ARHGEF9: variants seen among roughly 807,000 people sequenced by gnomAD.
The protein encoded by ARHGEF9 is rho guanine nucleotide exchange factor 9.
Under a neutral mutation model 41.3 loss-of-function variants are expected in ARHGEF9, and 2 were observed. The ratio of observed to expected loss-of-function variants is 0.05; its 90% CI spans 0.02 to 0.15. ARHGEF9 has a LOEUF of 0.15. Ranked by LOEUF, ARHGEF9 falls within the 10% of genes least tolerant of loss-of-function variation. ARHGEF9 has a pLI of 1.00. For missense variants in ARHGEF9, 225 were observed against 424.7 expected, an observed-to-expected ratio of 0.53 and a Z score of 4.13; for synonymous variants, 160 against 154.4, an observed-to-expected ratio of 1.04 and a Z score of -0.27.
chrX:63,735,045 G>A (rs2054529889), intron 1 of ARHGEF9, among the ~76,000 whole-genome samples: 1 of 111,066 alleles, frequency 9.0e-6, no homozygotes, highest in South Asian at 3.9e-4. Flanking sequence ...TGCCCTGGGA[G>A]CCATGCTCGT....
At chrX:63,780,572 A>G (rs1398819123) in intron 1 of ARHGEF9, among the ~76,000 whole-genome samples, 19 of 111,934 alleles carry the variant, frequency 1.7e-4, no homozygotes, top group African/African-American at 6.2e-4. Context: ...AGCAATTTTA[A>G]ACAATGTTAG....
intron 2 of ARHGEF9, among the ~76,000 whole-genome samples, chrX:63,710,249 G>T (rs1602508287): frequency 7.1e-5 from 3 of 42,051 alleles, no homozygotes; most frequent in Admixed American, 3.3e-4. Flanking sequence ...ACAAGAAAAA[G>T]ATTTAATAAA....
chrX:63,700,697 G>A (rs1556394517), intron 3 of ARHGEF9, among the ~76,000 whole-genome samples: 1 of 110,529 alleles, frequency 9.0e-6, no homozygotes, highest in Non-Finnish European at 1.9e-5. Context: ...GGTAGGGAGG[G>A]GCCTGAAAAG....
At chrX:63,662,237 T>C (rs2049268715) in intron 7 of ARHGEF9, among the ~76,000 whole-genome samples, 1 of 111,833 alleles carries the variant, frequency 8.9e-6, no homozygotes, top group East Asian at 2.8e-4. Context: ...TGAAATCATA[T>C]AGTTAGCGAG....
chrX:63,639,872 A>G (rs2047513272), intron 9 of ARHGEF9: 1 of 111,964 alleles, frequency 8.9e-6, no homozygotes, highest in Non-Finnish European at 1.9e-5. Flanking sequence ...CAGAAAGACA[A>G]ATATCAAATG....
At position 63,668,672 on chromosome X, in the gene ARHGEF9, A is replaced by G. The variant is rs187307975; in HGVS notation, c.946-2655T>C. 1.1e-4 allele frequency among the ~76,000 whole-genome samples: 12 copies of G among 111,999 alleles called. No homozygotes were observed. In the East Asian group the frequency reaches 2.8e-3, roughly 26 times the overall value. ...GTGCCTAGAAGGTACACATCACACT[A>G]TAAGCTCAACATAAGTGATACTTAT... On this transcript the variant is annotated intron_variant, in intron 6 of 9. Transcript: ENST00000671741.
At chrX:63,768,541 T>C (rs1348599419) in intron 1 of ARHGEF9, among the ~76,000 whole-genome samples, 2 of 112,442 alleles carry the variant, frequency 1.8e-5, no homozygotes, top group Non-Finnish European at 3.8e-5. Context: ...CTTTTGGTTC[T>C]TTGAGAAATC....
At chrX:63,711,516 T>C (rs1556406863) in intron 2 of ARHGEF9, among the ~76,000 whole-genome samples, 1 of 111,977 alleles carries the variant, frequency 8.9e-6, no homozygotes, top group Non-Finnish European at 1.9e-5. Context: ...TCATGCTGAA[T>C]TGATATTTGT....
chrX:63,635,260 C>T lies in ARHGEF9; in HGVS notation c.*2768G>A, dbSNP rs1371841678. 7.4e-6 allele frequency: 3 copies of T among 403,196 alleles called. No homozygotes were observed. The African/African-American group carries it at 8.0e-5, about 11-fold the overall frequency. The allele number at this position is 403,196 out of a possible 1,213,427, so 33.2% of individuals were successfully genotyped here. A position where few individuals can be genotyped will look rare whatever the true frequency, so the allele number is the denominator to read the frequency against. On this transcript the variant is annotated 3_prime_UTR_variant, in exon 10 of 10. Transcript: ENST00000671741. ...CTCTCTTGTTGCTGTTCTTATAGAT[C>T]CATTAGAAATATACACATAGAGAGG...
intron 1 of ARHGEF9, among the ~76,000 whole-genome samples, chrX:63,780,026 A>G (rs1556461153): frequency 8.9e-6 from 1 of 111,850 alleles, no homozygotes; most frequent in Admixed American, 9.5e-5. Context: ...TTCTAGGAAG[A>G]CTTCTTAAAA....
chrX:63,638,238 G>A (rs1556301545), intron 9 of ARHGEF9, 29 bp from the exon 10 acceptor site: 1 of 1,146,101 alleles, frequency 8.7e-7, no homozygotes, highest in African/African-American at 1.8e-5. Context: ...CAAAGGGAAA[G>A]GGTATAAGTT....
chrX:63,765,765 A>T (rs1556451564), intron 1 of ARHGEF9, among the ~76,000 whole-genome samples: 1 of 112,174 alleles, frequency 8.9e-6, no homozygotes, highest in Non-Finnish European at 1.9e-5. Context: ...GTCATGCTAG[A>T]GTGAAGCCTA....
At chrX:63,683,045 C>T (rs1296160484) in intron 4 of ARHGEF9, among the ~76,000 whole-genome samples, 1 of 109,200 alleles carries the variant, frequency 9.2e-6, no homozygotes, top group Non-Finnish European at 1.9e-5. Context: ...GTAAACTAGC[C>T]CTATTTGGAG....
At chrX:63,782,773 TAAATTTTATCCA>T (rs1345237741) in intron 1 of ARHGEF9, among the ~76,000 whole-genome samples, 2 of 112,291 alleles carry the variant, frequency 1.8e-5, no homozygotes, top group Non-Finnish European at 3.8e-5. Context: ...AGCCACTAGT[TAAATTTTATCCA>T]ACACATACTT....
At chrX:63,680,626 A>G (rs1351322835) in intron 4 of ARHGEF9, among the ~76,000 whole-genome samples, 1 of 112,540 alleles carries the variant, frequency 8.9e-6, no homozygotes, top group Non-Finnish European at 1.9e-5. Context: ...ACAGGGCCCC[A>G]GTAGGCCTCT....
Position 63,678,390 on chromosome X carries a change from C to G in ARHGEF9, c.765G>C (p.Lys255Asn). The change falls in exon 5 of 10, where the codon AAG becomes AAC. Residue 255 changes from lysine (K) to asparagine (N), a missense_variant. Physicochemically the swap from Lys to Asn is moderately conservative, Grantham distance 94 (BLOSUM62 0). Around this residue, in one of 3 missense-constraint regions of ARHGEF9, gnomAD observed 36 missense variants for 113.6 expected, o/e 0.32. Coordinates refer to ENST00000671741, the MANE Select transcript of ARHGEF9 (RefSeq NM_001353921.2). The part of the protein sequence containing the change: ...FLLTPVQKIC[K>N]YPLQLAELLK... Reference sequence around the variant, plus strand: ...GGAGCTCAGCCAACTGTAAGGGATACTTGCAGATCTTCTGCACTGGAGTCA... The same window carrying G: ...GGAGCTCAGCCAACTGTAAGGGATAGTTGCAGATCTTCTGCACTGGAGTCA... The G allele has an allele frequency of 8.3e-7, 1 of 1,207,626 alleles. No homozygotes were observed. The highest frequency in any genetic ancestry group is 1.1e-6 in the Non-Finnish European group (1 of 893,366).
At chrX:63,645,415 TC>T (rs1165846434) in intron 8 of ARHGEF9, among the ~76,000 whole-genome samples, 1 of 110,880 alleles carries the variant, frequency 9.0e-6, no homozygotes, top group Non-Finnish European at 1.9e-5. Context: ...TGTGTGATGT[TC>T]CCCTTCCTGT....
chrX:63,657,378 G>A (rs1362959456), intron 7 of ARHGEF9: 1 of 111,691 alleles, frequency 9.0e-6, no homozygotes, highest in Non-Finnish European at 1.9e-5. Flanking sequence ...AGTTGGGCTG[G>A]GAAAGGCTAC....
intron 4 of ARHGEF9, among the ~76,000 whole-genome samples, chrX:63,679,533 G>T (rs1304105191): frequency 1.8e-5 from 2 of 111,372 alleles, no homozygotes; most frequent in Non-Finnish European, 3.8e-5. Flanking sequence ...CACATAAAAA[G>T]AATAATATAC....
Sources: allele counts gnomAD v4.1 joint callset (sites outside exome capture counted in the v4.1 genomes callset), GRCh38; gene constraint gnomAD v4.1.1; regional missense constraint gnomAD v4.1.1; transcripts MANE v1.5; gene names NCBI Gene and HGNC (gene_info 2026-07-23, HGNC 2026-07-21).